TRAF3: variants seen among roughly 807,000 people sequenced by gnomAD.
TRAF3 encodes TNF receptor associated factor 3.
TRAF3 carries 13 observed loss-of-function variants against 62.3 expected under a neutral mutation model. That is an observed-to-expected ratio of 0.21 (90% CI 0.14 to 0.33). The LOEUF (loss-of-function observed/expected upper bound fraction) is 0.33. Ranked by LOEUF, TRAF3 falls within the 10% of genes least tolerant of loss-of-function variation. The pLI is 1.00. For synonymous variants in TRAF3, 269 were observed against 283.4 expected (o/e 0.95, Z 0.51); for missense variants, 440 against 741.8 (o/e 0.59, Z 4.73).
intron 1 of TRAF3, among the ~76,000 whole-genome samples, chr14:102,782,701 T>TA (rs34834554): frequency 0.023 from 3,346 of 146,426 alleles, 80 homozygotes; most frequent in African/African-American, 0.06. Context: ...TTTCGAGCAT[T>TA]AAAAAAAAAA....
chr14:102,800,982 C>T (rs577222771), intron 1 of TRAF3, among the ~76,000 whole-genome samples: 100 of 150,894 alleles, frequency 6.6e-4, no homozygotes, highest in East Asian at 1.4e-3. Context: ...ATCGAGACCA[C>T]GGTGAAACCC....
chr14:102,886,400 A>C, intron 7 of TRAF3, 131 bp downstream of exon 7: 1 of 774,486 alleles, frequency 1.3e-6, no homozygotes. Context: ...AGACAAACAA[A>C]AACCACAGCA....
At chr14:102,883,028 G>C (rs137960258) in intron 6 of TRAF3, among the ~76,000 whole-genome samples, 1 of 152,126 alleles carries the variant, frequency 6.6e-6, no homozygotes, top group Non-Finnish European at 1.5e-5. Flanking sequence ...AGGTATGACC[G>C]CTTTGGAAAT....
At chr14:102,858,690 CAT>C (rs1887518600) in intron 2 of TRAF3, among the ~76,000 whole-genome samples, 1 of 152,088 alleles carries the variant, frequency 6.6e-6, no homozygotes, top group Non-Finnish European at 1.5e-5. Flanking sequence ...TTATTAGTAA[CAT>C]ATGCTAAGTC....
chr14:102,862,400 C>G (rs958005027), intron 2 of TRAF3, among the ~76,000 whole-genome samples: 2 of 102,588 alleles, frequency 1.9e-5, no homozygotes, highest in African/African-American at 1.6e-4. Context: ...GATCCCTTCT[C>G]CAAAAAAAAA....
intron 2 of TRAF3, among the ~76,000 whole-genome samples, chr14:102,859,937 T>C (rs1417650430): frequency 1.3e-5 from 2 of 152,056 alleles, no homozygotes; most frequent in African/African-American, 4.8e-5. Context: ...AACTTGAGGG[T>C]CCCATTTTTA....
intron 1 of TRAF3, among the ~76,000 whole-genome samples, chr14:102,806,511 C>CTGGGG (rs1350854240): frequency 6.6e-6 from 1 of 152,172 alleles, no homozygotes; most frequent in Non-Finnish European, 1.5e-5. Context: ...CCAAGTTCCC[C>CTGGGG]AAACTTATGT....
intron 6 of TRAF3, among the ~76,000 whole-genome samples, chr14:102,883,157 G>T (rs983651770): frequency 2.0e-5 from 3 of 152,162 alleles, no homozygotes; most frequent in Non-Finnish European, 4.4e-5. Context: ...GACCAGAGCC[G>T]CAGAAATCTG....
At chr14:102,890,882 C>T (rs1031458336) in intron 8 of TRAF3, among the ~76,000 whole-genome samples, 7 of 152,178 alleles carry the variant, frequency 4.6e-5, no homozygotes, top group Admixed American at 1.3e-4. Flanking sequence ...GCTTTGCTTA[C>T]GTGTTTACTA....
chr14:102,794,490 G>T (rs1897965293), intron 1 of TRAF3, among the ~76,000 whole-genome samples: 1 of 152,220 alleles, frequency 6.6e-6, no homozygotes, highest in Non-Finnish European at 1.5e-5. Flanking sequence ...GTCTGGAGCT[G>T]CCAGTATCTT....
chr14:102,903,387 G>A lies in TRAF3; in HGVS notation c.1093G>A (p.Glu365Lys). The A allele has an allele frequency of 6.2e-7, 1 of 1,614,158 alleles. No homozygotes were observed. The highest frequency in any genetic ancestry group is 1.7e-5 in the Admixed American group (1 of 60,018). Residue 365 changes from glutamate (E) to lysine (K), a missense_variant, in exon 11 of 12, where the codon GAG becomes AAG. This residue lies in a region of TRAF3 where 41 missense variants were observed against 40.0 expected (regional missense o/e 1.03). Coordinates refer to ENST00000392745, the MANE Select transcript of TRAF3 (RefSeq NM_145725.3). This position sits in a 1 kb window ranked among gnomAD's most constrained non-coding sequence, Gnocchi z 6.4. ...ESLQNRVTEL[E>K]SVDKSAGQVA... ...CCTCCAGAACCGCGTGACCGAGCTG[G>A]AGAGCGTGGACAAGAGCGCGGGGCA...
At chr14:102,810,004 A>G (rs1177760097) in intron 1 of TRAF3, among the ~76,000 whole-genome samples, 1 of 152,208 alleles carries the variant, frequency 6.6e-6, no homozygotes, top group African/African-American at 2.4e-5. Context: ...CAGATTGGCA[A>G]ACTATGGGTC....
chr14:102,784,689 G>T (rs1453311596), intron 1 of TRAF3, among the ~76,000 whole-genome samples: 3 of 152,206 alleles, frequency 2.0e-5, no homozygotes, highest in Non-Finnish European at 4.4e-5. Flanking sequence ...TGTGATGAAT[G>T]AGCCAGAAGA....
chr14:102,839,214 TTTTTTTTTTTTTTTTTTTTTTTTTGAA>T (rs1886220844), intron 2 of TRAF3, among the ~76,000 whole-genome samples: 1 of 91,020 alleles, frequency 1.1e-5, no homozygotes, highest in Non-Finnish European at 2.3e-5. Flanking sequence ...ATTTGCCTTT[TTTTTTTTTTTTTTTTTTTTTTTTTGAA>T]ACAGTCTCAC....
chr14:102,805,393 AGCGATGT>A (rs1231290656), intron 1 of TRAF3, among the ~76,000 whole-genome samples: 1 of 152,186 alleles, frequency 6.6e-6, no homozygotes, highest in Non-Finnish European at 1.5e-5. Flanking sequence ...TTCTGTGGAG[AGCGATGT>A]GCATAAAGAC....
chr14:102,833,624 T>C (rs1885785492), intron 2 of TRAF3, among the ~76,000 whole-genome samples: 1 of 152,188 alleles, frequency 6.6e-6, no homozygotes, highest in South Asian at 2.1e-4. Flanking sequence ...ATATTTTAAT[T>C]TATAGGCAAT....
intron 1 of TRAF3, among the ~76,000 whole-genome samples, chr14:102,800,413 A>T (rs1297020947): frequency 1.3e-5 from 2 of 152,190 alleles, no homozygotes; most frequent in African/African-American, 4.8e-5. Flanking sequence ...GTCGGGGTTC[A>T]TACCTTGCCT....
At chr14:102,904,803 C>G (rs1381273965) in intron 11 of TRAF3, among the ~76,000 whole-genome samples, 1 of 130,002 alleles carries the variant, frequency 7.7e-6, no homozygotes, top group African/African-American at 3.5e-5. Context: ...GAGCGAGACT[C>G]CATCTCAAAA....
chr14:102,819,785 A>G (rs901518720), intron 1 of TRAF3, among the ~76,000 whole-genome samples: 8 of 152,240 alleles, frequency 5.3e-5, no homozygotes, highest in African/African-American at 1.9e-4. Context: ...GCACATTAAG[A>G]TTTTTGCAGC....
Sources: allele counts gnomAD v4.1 joint callset (sites outside exome capture counted in the v4.1 genomes callset), GRCh38; gene constraint gnomAD v4.1.1; regional missense constraint gnomAD v4.1.1; non-coding constraint Gnocchi (gnomAD v3.1); transcripts MANE v1.5; gene names NCBI Gene and HGNC (gene_info 2026-07-23, HGNC 2026-07-21).